The following GNG2 variants were observed in gnomAD, a reference collection of about 807,000 sequenced individuals.
The protein encoded by GNG2 is G protein subunit gamma 2, also known as guanine nucleotide-binding protein G(I)/G(S)/G(O) subunit gamma-2.
GNG2 carries 5 observed loss-of-function variants against 5.5 expected under a neutral mutation model. The ratio of observed to expected loss-of-function variants is 0.91; its 90% CI spans 0.48 to 1.92. The LOEUF is 1.92. GNG2 is among the 30% of genes most tolerant of loss of function. The pLI, the probability that GNG2 is intolerant of heterozygous loss-of-function variation, is 0.01. For missense variants in GNG2, 55 were observed against 88.4 expected, an observed-to-expected ratio of 0.62 and a Z score of 1.52; for synonymous variants, 28 against 32.0, an observed-to-expected ratio of 0.88 and a Z score of 0.42.
Position 51,885,387 on chromosome 14 carries a change from G to A in GNG2, c.-30+7730G>A, listed in dbSNP as rs146903557. 3.0e-3 allele frequency among the ~76,000 whole-genome samples: 455 copies of A among 152,266 alleles called. 2 individuals are homozygous for A. The highest frequency in any genetic ancestry group is 0.011 in the African/African-American group (438 of 41,550). ...ATTACCACTTATTTGGAAAATAAGT[G>A]AGTGCTTTCTAAGAGCCATCTGATG... On this transcript the variant is annotated intron_variant, in intron 2 of 3. Coordinates refer to ENST00000556766, the MANE Select transcript of GNG2 (RefSeq NM_053064.5).
chr14:51,917,299 T>G lies in GNG2; in HGVS notation c.-29-33351T>G, dbSNP rs1273041607. Reference sequence around the variant, plus strand: ...TCCCAGCCGCTGCCACGAAGAGGGATAGGGAAGAAACAATTTTTCCATAGC... The same window carrying G: ...TCCCAGCCGCTGCCACGAAGAGGGAGAGGGAAGAAACAATTTTTCCATAGC... On this transcript the variant is annotated intron_variant, in intron 2 of 3. Transcript: ENST00000556766. The G allele has an allele frequency of 1.3e-5, 6 of 455,430 alleles. No individual in the cohort carries two copies. The East Asian group carries it at 4.2e-4, about 32-fold the overall frequency. The allele number at this position is 455,430 out of a possible 1,614,324, so 28.2% of individuals were successfully genotyped here.
upstream of GNG2, among the ~76,000 whole-genome samples, chr14:51,859,925 G>A (rs555876466): frequency 6.6e-6 from 1 of 152,296 alleles, no homozygotes; most frequent in Admixed American, 6.5e-5. Context: ...CTCACTATTA[G>A]GCCTATAGGT....
chr14:51,889,278 A>G (rs954639925), intron 2 of GNG2, among the ~76,000 whole-genome samples: 25 of 151,820 alleles, frequency 1.6e-4, no homozygotes, highest in African/African-American at 5.8e-4. Flanking sequence ...ACGCCCGGCT[A>G]ATTTTTGTAT....
chr14:51,932,641 A>G (rs1887735298), intron 2 of GNG2, among the ~76,000 whole-genome samples: 1 of 152,146 alleles, frequency 6.6e-6, no homozygotes, highest in Admixed American at 6.5e-5. Context: ...AATTAATAAA[A>G]TAAAAATAAT....
In GNG2 at chr14:51,828,130, C is replaced by T. The variant is rs368298350; in HGVS notation, c.64+323C>T. ...CACTGTGGCTGATTGTGCAGACAGTCCTGCCATCATCCCCAGGGGAGCTGA... is the reference window on the plus strand; with the variant it reads ...CACTGTGGCTGATTGTGCAGACAGTTCTGCCATCATCCCCAGGGGAGCTGA... On this transcript the variant is annotated intron_variant, in intron 2 of 3. Coordinates refer to the GNG2 transcript ENST00000553432. 2.0e-5 allele frequency among the ~76,000 whole-genome samples: 3 copies of T among 152,310 alleles called. No individual in the cohort carries two copies. In the South Asian group the frequency reaches 6.2e-4, roughly 32 times the overall value.
At chr14:51,938,296 A>G (rs1283493322) in intron 2 of GNG2, among the ~76,000 whole-genome samples, 2 of 152,124 alleles carry the variant, frequency 1.3e-5, no homozygotes, top group Non-Finnish European at 2.9e-5. Context: ...TCCCTTTGCC[A>G]TTCTTATTTC....
At chr14:51,850,941 C>T (rs1881879544) in intron 2 of GNG2, among the ~76,000 whole-genome samples, 1 of 152,214 alleles carries the variant, frequency 6.6e-6, no homozygotes, top group Non-Finnish European at 1.5e-5. Flanking sequence ...CCAGGCCCCA[C>T]CTCCAACACT....
At chr14:51,956,059 C>T (rs1196016448) in intron 3 of GNG2, among the ~76,000 whole-genome samples, 1 of 152,104 alleles carries the variant, frequency 6.6e-6, no homozygotes, top group East Asian at 1.9e-4. Context: ...TGAGAGTATC[C>T]CTTCCCTAAA....
In GNG2 at chr14:51,966,962, G is replaced by GCTCCCCC. The variant is rs548691349; in HGVS notation, c.*276_*277insTCCCCCC. 9.4e-6 allele frequency: 1 copy of GCTCCCCC among 106,126 alleles called. No homozygotes were observed. The highest frequency in any genetic ancestry group is 4.2e-5 in the African/African-American group (1 of 24,060). The allele number at this position is 106,126 out of a possible 1,614,324, so 6.6% of individuals were successfully genotyped here. A position where few individuals can be genotyped will look rare whatever the true frequency, so the allele number is the denominator to read the frequency against. On this transcript the variant is annotated 3_prime_UTR_variant, in exon 4 of 4. Coordinates refer to ENST00000556766, the MANE Select transcript of GNG2 (RefSeq NM_053064.5). Reference sequence around the variant, plus strand: ...GTCACTTCTTTTCTGCTATCCCCCAGCCCCCCCCCCAAAATCCTCATGTTT... The same window carrying GCTCCCCC: ...GTCACTTCTTTTCTGCTATCCCCCAGCTCCCCCCCCCCCCCCCAAAATCCTCATGTTT...
chr14:51,847,693 T>C (rs969712771), intron 2 of GNG2, among the ~76,000 whole-genome samples: 4 of 152,072 alleles, frequency 2.6e-5, no homozygotes, highest in African/African-American at 9.7e-5. Flanking sequence ...AGAGGGGCCA[T>C]GGACCCTCAG....
At chr14:51,925,105 C>T (rs1054411394) in intron 2 of GNG2, among the ~76,000 whole-genome samples, 8 of 152,084 alleles carry the variant, frequency 5.3e-5, no homozygotes, top group Non-Finnish European at 8.8e-5. Flanking sequence ...CAAACAGCTA[C>T]AAGAGAGGAT....
chr14:51,932,887 T>C (rs1887747764), intron 2 of GNG2, among the ~76,000 whole-genome samples: 1 of 146,834 alleles, frequency 6.8e-6, no homozygotes, highest in Non-Finnish European at 1.5e-5. Context: ...TTCTAGATTA[T>C]CCTGGGGGGT....
At chr14:51,894,973 A>G (rs1242414521) in intron 2 of GNG2, among the ~76,000 whole-genome samples, 1 of 152,108 alleles carries the variant, frequency 6.6e-6, no homozygotes, top group Non-Finnish European at 1.5e-5. Context: ...AAAAACAAAG[A>G]AGAACTTTTA....
chr14:51,828,786 T>A (rs1405448549), intron 2 of GNG2, among the ~76,000 whole-genome samples: 3 of 152,164 alleles, frequency 2.0e-5, no homozygotes, highest in African/African-American at 7.2e-5. Context: ...ACCCTTCTCC[T>A]TGGTTTCTCC....
chr14:51,898,392 G>A (rs1885340791), intron 2 of GNG2, among the ~76,000 whole-genome samples: 1 of 152,120 alleles, frequency 6.6e-6, no homozygotes. Flanking sequence ...GATGTAGGAA[G>A]GCACACCACA....
chr14:51,942,589 C>CTTTCTTTCTTTT (rs761049973), intron 2 of GNG2, among the ~76,000 whole-genome samples: 14 of 81,128 alleles, frequency 1.7e-4, no homozygotes, highest in African/African-American at 8.3e-4. Flanking sequence ...TTCTTTCTTT[C>CTTTCTTTCTTTT]TTTTTTTTTT....
chr14:51,931,072 TG>T (rs1329812937), intron 2 of GNG2, among the ~76,000 whole-genome samples: 3 of 151,964 alleles, frequency 2.0e-5, no homozygotes, highest in Non-Finnish European at 4.4e-5. Context: ...CACTCCAACC[TG>T]GGTGATAGAG....
intron 1 of GNG2, among the ~76,000 whole-genome samples, chr14:51,862,984 C>CT (rs10699121): frequency 0.43 from 61,173 of 142,854 alleles, 13,714 homozygotes; most frequent in East Asian, 0.58. Context: ...TTTAATTGTG[C>CT]TTTTTTTTTT....
chr14:51,873,049 G>T (rs1247207582), intron 1 of GNG2, among the ~76,000 whole-genome samples: 1 of 152,108 alleles, frequency 6.6e-6, no homozygotes, highest in Non-Finnish European at 1.5e-5. Flanking sequence ...ATTATCTCCA[G>T]TGTACAAACT....
Sources: allele counts gnomAD v4.1 joint callset (sites outside exome capture counted in the v4.1 genomes callset), GRCh38; gene constraint gnomAD v4.1.1; transcripts MANE v1.5; gene names NCBI Gene and HGNC (gene_info 2026-07-23, HGNC 2026-07-21).